Variants in SYNPO2 observed in about 807,000 individuals in gnomAD.
SYNPO2 encodes synaptopodin 2, also known as synaptopodin-2.
Under a neutral mutation model 85.0 loss-of-function variants are expected in SYNPO2, and 56 were observed. The observed-to-expected ratio is 0.66, with a 90% CI of 0.53 to 0.82. SYNPO2 has a LOEUF of 0.82. Among genes scored for constraint, SYNPO2 ranks in the 40% least tolerant of loss-of-function variants. The pLI is 0.00. For missense variants in SYNPO2, 1,575 were observed against 1,534.2 expected (o/e 1.03, Z -0.44); for synonymous variants, 602 against 591.1 (o/e 1.02, Z -0.27).
intron 1 of SYNPO2, among the ~76,000 whole-genome samples, chr4:118,920,321 A>G (rs1198178625): frequency 6.6e-6 from 1 of 152,174 alleles, no homozygotes. Context: ...GTGCCTAGTA[A>G]GCAATTTTAT....
chr4:118,879,647 A>C (rs1328416743), intron 1 of SYNPO2, among the ~76,000 whole-genome samples: 1 of 152,138 alleles, frequency 6.6e-6, no homozygotes, highest in African/African-American at 2.4e-5. Context: ...CGCCCAGCGT[A>C]TGATACTGTG....
At chr4:118,918,546 A>C (rs1361186538) in intron 1 of SYNPO2, among the ~76,000 whole-genome samples, 1 of 152,192 alleles carries the variant, frequency 6.6e-6, no homozygotes, top group Non-Finnish European at 1.5e-5. Context: ...AATTGGCTGC[A>C]AACTGGGAAT....
At chr4:119,007,484 A>G (rs1701880006) in intron 1 of SYNPO2, among the ~76,000 whole-genome samples, 1 of 151,562 alleles carries the variant, frequency 6.6e-6, no homozygotes. Flanking sequence ...CACATAAAGT[A>G]CTTACTTAGA....
intron 1 of SYNPO2, among the ~76,000 whole-genome samples, chr4:119,000,956 A>G (rs1380163): frequency 0.17 from 25,928 of 152,128 alleles, 2,873 homozygotes; most frequent in African/African-American, 0.32. Flanking sequence ...TTAGGCCTAG[A>G]GTTTCATATG....
intron 1 of SYNPO2, among the ~76,000 whole-genome samples, chr4:118,962,643 T>A (rs548476574): frequency 6.6e-6 from 1 of 152,296 alleles, no homozygotes; most frequent in African/African-American, 2.4e-5. Flanking sequence ...GAGATCATTT[T>A]TGTCCCCTTT....
intron 1 of SYNPO2, among the ~76,000 whole-genome samples, chr4:118,874,696 T>A (rs1285330048): frequency 6.6e-6 from 1 of 152,092 alleles, no homozygotes; most frequent in African/African-American, 2.4e-5. Flanking sequence ...GTGGAGGGCT[T>A]TTAAGAAAAA....
At chr4:118,956,400 A>G (rs891091255) in intron 1 of SYNPO2, among the ~76,000 whole-genome samples, 4 of 152,250 alleles carry the variant, frequency 2.6e-5, no homozygotes, top group East Asian at 1.9e-4. Context: ...AGTTGCAGGA[A>G]GAAAAAGGAG....
At chr4:118,969,997 A>G (rs1040140936) in intron 1 of SYNPO2, among the ~76,000 whole-genome samples, 8 of 152,198 alleles carry the variant, frequency 5.3e-5, no homozygotes, top group South Asian at 2.1e-4. Context: ...TTTTTCTATT[A>G]TTAATTAACA....
At chr4:119,034,235 C>T in intron 4 of SYNPO2, 3 of 985,394 alleles carry the variant, frequency 3.0e-6, no homozygotes, top group Non-Finnish European at 3.6e-6. Flanking sequence ...TATAGCTTTG[C>T]ATTCTTAACA....
intron 4 of SYNPO2, chr4:119,036,091 A>G: frequency 1.0e-6 from 1 of 985,428 alleles, no homozygotes; most frequent in Non-Finnish European, 1.2e-6. Context: ...GGGCTCCTGC[A>G]AGCACCCCCA....
At chr4:119,040,490 C>T (rs746197242) in intron 4 of SYNPO2, among the ~76,000 whole-genome samples, 1 of 151,990 alleles carries the variant, frequency 6.6e-6, no homozygotes, top group Non-Finnish European at 1.5e-5. Context: ...GCATTCTTTT[C>T]GTGGTATACA....
intron 1 of SYNPO2, among the ~76,000 whole-genome samples, chr4:118,964,300 ACACACACACACAC>A (rs1735220524): frequency 9.1e-5 from 1 of 10,968 alleles, no homozygotes; most frequent in Admixed American, 3.8e-4. Flanking sequence ...CACACACAAC[ACACACACACACAC>A]ACACACACAC....
At chr4:118,917,403 A>C (rs1204498258) in intron 1 of SYNPO2, among the ~76,000 whole-genome samples, 4 of 150,988 alleles carry the variant, frequency 2.6e-5, no homozygotes, top group East Asian at 1.9e-4. Context: ...AACAGAAAAC[A>C]AACCAACCAA....
chr4:119,029,567 T>C (rs933842293), intron 3 of SYNPO2, among the ~76,000 whole-genome samples: 1 of 152,104 alleles, frequency 6.6e-6, no homozygotes, highest in Non-Finnish European at 1.5e-5. Flanking sequence ...ATTATTAAAG[T>C]GGAAGGATCT....
rs895753930 is a variant in SYNPO2, at chr4:119,032,220, T to C, written c.3252+193T>C. ...TATAATATTTTTAATGAGTCAAAAA[T>C]CCAACTCAGATTGACCTAAAATATA... On this transcript the variant is annotated intron_variant, in intron 4 of 4. Coordinates refer to ENST00000307142, the MANE Select transcript of SYNPO2 (RefSeq NM_133477.3). The C allele has an allele frequency of 7.7e-6, 11 of 1,435,454 alleles. No individual in the cohort carries two copies. The African/African-American group carries it at 1.1e-4, about 15-fold the overall frequency. 88.9% of individuals were successfully genotyped at this position (1,435,454 alleles called of 1,614,324 possible).
intron 1 of SYNPO2, among the ~76,000 whole-genome samples, chr4:118,974,315 C>A (rs1735645810): frequency 6.6e-6 from 1 of 152,190 alleles, no homozygotes. Context: ...TTTTTAGAGC[C>A]AAGTTATATA....
intron 4 of SYNPO2, chr4:119,038,126 C>CAGT: frequency 1.0e-6 from 1 of 985,104 alleles, no homozygotes; most frequent in Non-Finnish European, 1.2e-6. Flanking sequence ...GCTCTCCCTA[C>CAGT]AGTACCACAT....
intron 1 of SYNPO2, among the ~76,000 whole-genome samples, chr4:118,930,917 CAAAAAA>C (rs55944813): frequency 3.4e-4 from 42 of 124,766 alleles, no homozygotes; most frequent in South Asian, 5.1e-4. Flanking sequence ...TACCTTGCCT[CAAAAAA>C]AAAAAAAAAA....
intron 1 of SYNPO2, among the ~76,000 whole-genome samples, chr4:118,989,107 C>T (rs1736321340): frequency 6.6e-6 from 1 of 152,196 alleles, no homozygotes; most frequent in South Asian, 2.1e-4. Context: ...ATCTTAACTG[C>T]ATACTTTAAT....
Sources: gnomAD v4.1 joint callset for allele counts (sites outside exome capture counted in the v4.1 genomes callset) on GRCh38, gnomAD v4.1.1 for gene constraint, MANE v1.5 for transcripts, NCBI Gene and HGNC (gene_info 2026-07-23, HGNC 2026-07-21) for gene names.